NTM: variants seen among roughly 807,000 people sequenced by gnomAD.
The protein encoded by NTM is IgLON family member 2.
Under a neutral mutation model 42.1 loss-of-function variants are expected in NTM, and 13 were observed. The observed-to-expected ratio is 0.31, with a 90% CI of 0.20 to 0.49. NTM has a LOEUF of 0.49. Among genes scored for constraint, NTM ranks in the 20% least tolerant of loss-of-function variants. The pLI is 0.99. For missense variants in NTM, 373 were observed against 452.8 expected, an observed-to-expected ratio of 0.82 and a Z score of 1.60; for synonymous variants, 187 against 179.2, an observed-to-expected ratio of 1.04 and a Z score of -0.35.
chr11:131,445,401 G>A (rs79552605), intron 1 of NTM, among the ~76,000 whole-genome samples: 5,169 of 152,278 alleles, frequency 0.034, 318 homozygotes, highest in African/African-American at 0.12. Context: ...AATGAGAAAA[G>A]GAAAATTCAC....
intron 1 of NTM, among the ~76,000 whole-genome samples, chr11:131,710,654 TA>T (rs35663065): frequency 6.6e-6 from 1 of 151,860 alleles, no homozygotes; most frequent in African/African-American, 2.4e-5. Flanking sequence ...TGAGAAGTTG[TA>T]AAAAAAATGC....
At position 132,335,132 on chromosome 11, in the gene NTM, C is replaced by A. The variant is rs1565511176; in HGVS notation, c.1054C>A (p.Leu352Ile). Residue 352 changes from leucine to isoleucine, a missense_variant, in exon 9 of 9, where the codon CTT becomes ATT. By Grantham distance (5) the Leu-to-Ile change is conservative (BLOSUM62 2). Around this residue, in one of 3 missense-constraint regions of NTM, gnomAD observed 312 missense variants for 353.5 expected, o/e 0.88. Coordinates refer to ENST00000683400, the MANE Select transcript of NTM (RefSeq NM_001352005.2). ...WLLPLLVLHL[L>I]LKF ...GCTGCCTCTTCTGGTCTTGCACCTG[C>A]TTCTCAAATTTTGATGTGAGTGCCA... 6.2e-7 allele frequency: 1 copy of A among 1,612,512 alleles called. No individual in the cohort carries two copies. Among genetic ancestry groups the A allele is most frequent in the Non-Finnish European group, 8.5e-7 (1 of 1,180,000 alleles).
intron 4 of NTM, among the ~76,000 whole-genome samples, chr11:132,291,694 G>C (rs1299305515): frequency 1.3e-5 from 2 of 152,216 alleles, no homozygotes; most frequent in Non-Finnish European, 2.9e-5. Flanking sequence ...GGACTATCCA[G>C]AGAGGTGGTT....
intron 1 of NTM, among the ~76,000 whole-genome samples, chr11:131,590,530 C>A (rs886169655): frequency 6.6e-6 from 1 of 152,166 alleles, no homozygotes; most frequent in Non-Finnish European, 1.5e-5. Context: ...AAGCAAAGTG[C>A]CAAGCCAGGT....
At chr11:131,448,772 C>A (rs1471949559) in intron 1 of NTM, among the ~76,000 whole-genome samples, 1 of 152,200 alleles carries the variant, frequency 6.6e-6, no homozygotes, top group Non-Finnish European at 1.5e-5. Context: ...CCTGTGGCGG[C>A]CCCAACCAAC....
intron 1 of NTM, among the ~76,000 whole-genome samples, chr11:131,905,023 C>A (rs779885890): frequency 2.0e-4 from 31 of 152,172 alleles, no homozygotes; most frequent in Non-Finnish European, 4.4e-4. Flanking sequence ...ATGAATGTTA[C>A]CTGTAGGCTG....
At chr11:132,126,584 C>T (rs1399080881) in intron 2 of NTM, among the ~76,000 whole-genome samples, 2 of 152,170 alleles carry the variant, frequency 1.3e-5, no homozygotes, top group Admixed American at 6.5e-5. Context: ...CATTTCTCCC[C>T]TAGCAGTTGT....
intron 1 of NTM, among the ~76,000 whole-genome samples, chr11:131,402,595 A>G (rs1208824386): frequency 1.3e-5 from 2 of 152,178 alleles, no homozygotes; most frequent in Non-Finnish European, 2.9e-5. Context: ...TCCAGCCATC[A>G]GCTCCCTCGT....
chr11:131,556,108 C>T (rs749502016), intron 1 of NTM, among the ~76,000 whole-genome samples: 1 of 152,066 alleles, frequency 6.6e-6, no homozygotes, highest in African/African-American at 2.4e-5. Context: ...GCCCTTGGAA[C>T]CGAAGACAGA....
At chr11:132,212,463 G>A (rs1254239528) in intron 4 of NTM, among the ~76,000 whole-genome samples, 1 of 152,184 alleles carries the variant, frequency 6.6e-6, no homozygotes, top group East Asian at 1.9e-4. Flanking sequence ...AAGCTTTAGT[G>A]GCAATTGTTC....
chr11:131,702,374 C>G (rs562394704), intron 1 of NTM, among the ~76,000 whole-genome samples: 1 of 152,336 alleles, frequency 6.6e-6, no homozygotes, highest in African/African-American at 2.4e-5. Context: ...CCTATTTCAT[C>G]TTTAAAATGA....
chr11:132,166,693 T>G (rs1237364192), intron 3 of NTM, among the ~76,000 whole-genome samples: 2 of 152,228 alleles, frequency 1.3e-5, no homozygotes, highest in Admixed American at 1.3e-4. Context: ...CACTGTTCAA[T>G]ATGCTGCTTT....
intron 1 of NTM, among the ~76,000 whole-genome samples, chr11:131,452,381 T>C (rs1231859998): frequency 6.6e-6 from 1 of 152,192 alleles, no homozygotes; most frequent in African/African-American, 2.4e-5. Flanking sequence ...GCATCCTCTT[T>C]TTAAAGCTTG....
chr11:132,074,471 T>C (rs12281570), intron 2 of NTM, among the ~76,000 whole-genome samples: 43,496 of 152,002 alleles, frequency 0.29, 6,795 homozygotes, highest in African/African-American at 0.4. Context: ...TCTCAGTTTC[T>C]CAGGAAAAAT....
At position 131,525,986 on chromosome 11, in the gene NTM, A is replaced by G. The variant is rs118118901; in HGVS notation, c.82+155098A>G. 7.1e-3 allele frequency among the ~76,000 whole-genome samples: 1,083 copies of G among 152,328 alleles called. 12 individuals carry two copies. Among genetic ancestry groups the G allele is most frequent in the Non-Finnish European group, 0.01 (708 of 68,026 alleles). On this transcript the variant is annotated intron_variant, in intron 1 of 8. Coordinates refer to ENST00000683400, the MANE Select transcript of NTM (RefSeq NM_001352005.2). The stretch of plus-strand genomic sequence containing the variant: ...TCCATTCAGAAATTACCTAGGCTGC[A>G]TCCCACGGTGTTGAGATTCAACGTA...
intron 1 of NTM, among the ~76,000 whole-genome samples, chr11:131,614,573 A>C (rs541023097): frequency 6.6e-6 from 1 of 152,348 alleles, no homozygotes; most frequent in African/African-American, 2.4e-5. Context: ...ATTATTCCTT[A>C]AGGCCAGAGC....
intron 1 of NTM, among the ~76,000 whole-genome samples, chr11:131,818,610 A>T (rs1022439128): frequency 6.6e-6 from 1 of 152,156 alleles, no homozygotes; most frequent in African/African-American, 2.4e-5. Context: ...AACAGGCCAC[A>T]CTGATTCATC....
intron 2 of NTM, among the ~76,000 whole-genome samples, chr11:131,933,097 T>C (rs2058815944): frequency 6.6e-6 from 1 of 152,202 alleles, no homozygotes; most frequent in Non-Finnish European, 1.5e-5. Flanking sequence ...TGTAAATAAA[T>C]GTGGCACTCG....
chr11:131,467,692 A>T (rs921588636), intron 1 of NTM, among the ~76,000 whole-genome samples: 18 of 151,762 alleles, frequency 1.2e-4, no homozygotes, highest in African/African-American at 1.2e-4. Flanking sequence ...TATGATTTTT[A>T]AAAAAATAAA....
Sources: gnomAD v4.1 joint callset for allele counts (sites outside exome capture counted in the v4.1 genomes callset) on GRCh38, gnomAD v4.1.1 for gene constraint, gnomAD v4.1.1 regional missense constraint, MANE v1.5 for transcripts, NCBI Gene and HGNC (gene_info 2026-07-23, HGNC 2026-07-21) for gene names.